Variants in MYO1H observed in about 807,000 individuals in gnomAD.
MYO1H encodes unconventional myosin-Ih.
In MYO1H, 118 loss-of-function variants were observed where a neutral mutation model predicts 149.3. The ratio of observed to expected loss-of-function variants is 0.79; its 90% CI spans 0.68 to 0.92. MYO1H has a LOEUF of 0.92. Ranked by LOEUF, MYO1H falls within the 40% of genes least tolerant of loss-of-function variation. The pLI is 0.00. For synonymous variants in MYO1H, 447 were observed against 465.2 expected (o/e 0.96, Z 0.50); for missense variants, 1,212 against 1,280.7 (o/e 0.95, Z 0.82).
intron 19 of MYO1H, among the ~76,000 whole-genome samples, chr12:109,430,462 C>T (rs1346247949): frequency 5.3e-5 from 8 of 152,070 alleles, no homozygotes; most frequent in Admixed American, 5.2e-4. Flanking sequence ...TGGATGAAAG[C>T]AGGGCCTGAG....
chr12:109,366,829 T>A (rs756491732), intron 1 of MYO1H, among the ~76,000 whole-genome samples: 7 of 152,212 alleles, frequency 4.6e-5, no homozygotes, highest in Non-Finnish European at 1.0e-4. Context: ...TATTGTCACT[T>A]ATTACTACAG....
chr12:109,406,686 A>G (rs147022229), intron 8 of MYO1H, 103 bp from the exon 9 acceptor site: 48 of 1,095,040 alleles, frequency 4.4e-5, no homozygotes, highest in Non-Finnish European at 6.4e-5. Flanking sequence ...GTGCCACCAC[A>G]TTCCCACCTG....
At chr12:109,420,890 T>C (rs1871145423) in intron 15 of MYO1H, 91 bp from the exon 16 acceptor site, 1 of 748,252 alleles carries the variant, frequency 1.3e-6, no homozygotes, top group Admixed American at 2.4e-5. Context: ...AGAAATTCTT[T>C]TTCAGAATTT....
chr12:109,427,422 A>G, intron 18 of MYO1H, 47 bp from the exon 19 acceptor site: 1 of 1,269,284 alleles, frequency 7.9e-7, no homozygotes, highest in Non-Finnish European at 1.2e-6. Flanking sequence ...GGTTGATATG[A>G]AGCCATGGGA....
chr12:109,366,720 A>G (rs1458299730), intron 1 of MYO1H, among the ~76,000 whole-genome samples: 2 of 152,240 alleles, frequency 1.3e-5, no homozygotes, highest in Non-Finnish European at 2.9e-5. Flanking sequence ...TTTGCATTTG[A>G]TATATAAAAG....
intron 1 of MYO1H, among the ~76,000 whole-genome samples, chr12:109,356,427 C>A (rs554882034): frequency 3.3e-5 from 5 of 151,814 alleles, no homozygotes; most frequent in East Asian, 1.9e-4. Flanking sequence ...GCTACAAATT[C>A]TTTTAGGTAA....
intron 1 of MYO1H, among the ~76,000 whole-genome samples, chr12:109,386,782 C>T (rs1869334830): frequency 6.6e-6 from 1 of 152,104 alleles, no homozygotes; most frequent in South Asian, 2.1e-4. Flanking sequence ...TGTTCTGTGA[C>T]TTGCCTATTT....
At chr12:109,345,293 G>A (rs544646254), upstream of MYO1H, among the ~76,000 whole-genome samples, 13 of 152,266 alleles carry the variant, frequency 8.5e-5, no homozygotes, top group East Asian at 1.4e-3. Context: ...GAAAATGGGC[G>A]AAGGATTTGC....
intron 1 of MYO1H, among the ~76,000 whole-genome samples, chr12:109,366,114 G>T (rs868868041): frequency 6.6e-6 from 1 of 152,088 alleles, no homozygotes; most frequent in African/African-American, 2.4e-5. Context: ...TGTCTTCCAC[G>T]AAACCAGTCC....
At chr12:109,425,734 A>C (rs1363853876) in intron 17 of MYO1H, among the ~76,000 whole-genome samples, 1 of 152,214 alleles carries the variant, frequency 6.6e-6, no homozygotes, top group Non-Finnish European at 1.5e-5. Flanking sequence ...ATGCTTGTCC[A>C]GCTTCCACGT....
chr12:109,413,659 C>A (rs924318560), intron 14 of MYO1H, among the ~76,000 whole-genome samples: 4 of 152,272 alleles, frequency 2.6e-5, no homozygotes, highest in African/African-American at 7.2e-5. Context: ...CCTATAATCC[C>A]AGCACTTTGA....
At chr12:109,323,027 A>T in the MYO1H span, among the ~76,000 whole-genome samples, 1 of 151,992 alleles carries the variant, frequency 6.6e-6, no homozygotes, top group African/African-American at 2.4e-5. Context: ...GAATCGCTTG[A>T]ACCTGGGAGG....
intron 1 of MYO1H, among the ~76,000 whole-genome samples, chr12:109,355,513 T>A (rs908078346): frequency 6.6e-6 from 1 of 152,114 alleles, no homozygotes; most frequent in Non-Finnish European, 1.5e-5. Flanking sequence ...GATATACCCT[T>A]ATAGAAATTA....
intron 22 of MYO1H, among the ~76,000 whole-genome samples, chr12:109,438,021 G>A (rs1463959791): frequency 6.8e-6 from 1 of 148,114 alleles, no homozygotes; most frequent in Non-Finnish European, 1.5e-5. Context: ...CCAGGCAGCA[G>A]AGGTTGCAGT....
rs1870571507 is a variant in MYO1H at position 109,409,547 on chromosome 12, T to C, written c.1156-10T>C. ...ACCTAACTATGAATGGGGTGTGTTA[T>C]TTTGACCAGGATTTCACCAGGAAAA... is the stretch of plus-strand genomic sequence containing the variant. On this transcript the variant is annotated splice_polypyrimidine_tract_variant and intron_variant, in intron 10 of 31. Transcript: ENST00000310903. 2 of 1,613,130 alleles carry C rather than the reference T, an allele frequency of 1.2e-6. No individual in the cohort carries two copies. Among genetic ancestry groups the C allele is most frequent in the East Asian group, 2.2e-5 (1 of 44,884 alleles).
chr12:109,441,657 A>G, exon 26 of MYO1H: 2 of 1,613,442 alleles, frequency 1.2e-6, no homozygotes, highest in Non-Finnish European at 1.7e-6. Context: ...CAGGGGAAGG[A>G]AAGACGGCTA....
Position 109,365,065 on chromosome 12 carries a change from G to GA in MYO1H, c.12+17094dup, listed in dbSNP as rs576094539. Among the ~76,000 whole-genome samples, 377 of 152,284 alleles carry GA rather than the reference G, an allele frequency of 2.5e-3. 4 individuals are homozygous for GA. The highest frequency in any genetic ancestry group is 8.6e-3 in the African/African-American group (359 of 41,564). On this transcript the variant is annotated intron_variant, in intron 1 of 31. Coordinates refer to ENST00000310903, the Ensembl canonical transcript of MYO1H. ...GCGGGAGGATCGCTTGAGGCTAGGA[G>GA]ATCAAGTCCAGCCTGGGCAACATAG...
rs375470575 is a variant in MYO1H at position 109,440,791 on chromosome 12, G to A, written c.2502G>A (p.Lys834=). The A allele has an allele frequency of 2.6e-5, 40 of 1,564,952 alleles. No individual in the cohort carries two copies. The African/African-American group carries it at 4.6e-4, about 18-fold the overall frequency. The change falls in exon 25 of 32, where the codon AAG becomes AAA. Residue 834 remains lysine (K), a synonymous_variant. Coordinates refer to ENST00000310903, the Ensembl canonical transcript of MYO1H. ...TGTGCGTGAGGAACCTGGTGCAGAA[G>A]TACTGCCGCGGGATCACAGCTGAGC...
rs1338941079 is a variant in MYO1H, at chr12:109,407,780, G to C, written c.1036-14G>C. On this transcript the variant is annotated splice_polypyrimidine_tract_variant and intron_variant, in intron 9 of 31. Coordinates refer to ENST00000310903, the Ensembl canonical transcript of MYO1H. ...TTTTCCACCTATAATGATGCACCTT[G>C]TCATTCTTTTCAGGTGATCTGCCCG... 24 of 1,613,048 alleles carry C rather than the reference G, an allele frequency of 1.5e-5. No individual in the cohort carries two copies. Among genetic ancestry groups the C allele is most frequent in the Non-Finnish European group, 2.0e-5 (24 of 1,179,466 alleles).
Sources: gnomAD v4.1 joint callset for allele counts (sites outside exome capture counted in the v4.1 genomes callset) on GRCh38, gnomAD v4.1.1 for gene constraint, MANE v1.5 for transcripts, NCBI Gene and HGNC (gene_info 2026-07-23, HGNC 2026-07-21) for gene names.